NUP62: variants seen among roughly 807,000 people sequenced by gnomAD.
NUP62 encodes nuclear pore glycoprotein p62.
For synonymous variants in NUP62, 305 were observed against 303.4 expected, an observed-to-expected ratio of 1.01 and a Z score of -0.05; for missense variants, 647 against 689.4, an observed-to-expected ratio of 0.94 and a Z score of 0.69.
chr19:49,926,941 C>T (rs947399850), intron 2 of NUP62, among the ~76,000 whole-genome samples: 1 of 151,762 alleles, frequency 6.6e-6, no homozygotes, highest in African/African-American at 2.4e-5. Context: ...CTGCAACCTC[C>T]GCCCCACCCC....
chr19:49,927,504 C>A lies in NUP62; in HGVS notation c.-78+190G>T, dbSNP rs1473575913. 2.0e-5 allele frequency among the ~76,000 whole-genome samples: 3 copies of A among 152,308 alleles called. No homozygotes were observed. In the South Asian group the frequency reaches 6.2e-4, roughly 32 times the overall value. ...GGCCCACGGGTGGGACAAGCTCAGT[C>A]TATGCTCTTAGCTGCTACTCTGTAT... On this transcript the variant is annotated intron_variant, in intron 2 of 2. Coordinates refer to ENST00000352066, the MANE Select transcript of NUP62 (RefSeq NM_016553.5).
Position 49,910,614 on chromosome 19 carries a change from G to C in NUP62, c.-77-730C>G, listed in dbSNP as rs3889700. ...AGGCAGCTGCCTCCTTCACCTGTAG[G>C]TGTGGTGTGGAGGATTGCACCTGGG... On this transcript the variant is annotated intron_variant, in intron 2 of 2. Coordinates refer to ENST00000352066, the MANE Select transcript of NUP62 (RefSeq NM_016553.5). Among the ~76,000 whole-genome samples, 1,077 of 152,044 alleles carry C rather than the reference G, an allele frequency of 7.1e-3. 38 individuals carry two copies. The East Asian group carries it at 0.11, about 15-fold the overall frequency.
intron 1 of NUP62, chr19:49,928,507 AGAGACTCCGTCTC>A (rs2075966922): frequency 7.0e-6 from 1 of 143,630 alleles, no homozygotes; most frequent in African/African-American, 2.5e-5. Context: ...ACAGAGACGG[AGAGACTCCGTCTC>A]AAAAAAAAAA....
intron 2 of NUP62, among the ~76,000 whole-genome samples, chr19:49,923,856 C>T (rs535898450): frequency 7.2e-5 from 11 of 152,224 alleles, no homozygotes; most frequent in East Asian, 1.9e-4. Flanking sequence ...CTCTGACCCA[C>T]GCTGCGGAAG....
intron 2 of NUP62, 68 bp from the exon 3 acceptor site, chr19:49,909,952 C>A (rs766927792): frequency 4.5e-5 from 37 of 824,808 alleles, no homozygotes; most frequent in Non-Finnish European, 6.8e-5. Context: ...CATGACTGGG[C>A]ACAGTCGGTT....
Position 49,908,875 on chromosome 19 carries a change from G to A in NUP62, c.933C>T (p.Thr311=), listed in dbSNP as rs777253913. The change falls in exon 3 of 3, where the codon ACC becomes ACT. Residue 311 remains threonine (T), a synonymous_variant. Transcript: ENST00000352066. The part of the protein sequence containing the change: ...GIPSNTAAAV[T]APPGPGAAAG... ...CAGCTGCGCCAGGGCCAGGTGGAGC[G>A]GTCACGGCAGCTGCTGTATTGCTGG... is the stretch of plus-strand genomic sequence containing the variant. The A allele has an allele frequency of 9.1e-5, 146 of 1,610,672 alleles. No individual in the cohort carries two copies. Among genetic ancestry groups the A allele is most frequent in the Admixed American group, 1.3e-4 (8 of 59,992 alleles).
chr19:49,914,006 A>G (rs938523183), intron 2 of NUP62, among the ~76,000 whole-genome samples: 4 of 152,132 alleles, frequency 2.6e-5, no homozygotes, highest in Non-Finnish European at 5.9e-5. Context: ...CAGCATCACA[A>G]TTTGAGCAAA....
intron 2 of NUP62, among the ~76,000 whole-genome samples, chr19:49,915,148 C>T (rs1290742): frequency 0.81 from 123,221 of 151,892 alleles, 50,284 homozygotes; most frequent in East Asian, 0.96. Flanking sequence ...AGGATGTGTG[C>T]TATGTGTGTG....
intron 2 of NUP62, among the ~76,000 whole-genome samples, chr19:49,923,602 C>T (rs1158525481): frequency 6.6e-6 from 1 of 152,256 alleles, no homozygotes; most frequent in African/African-American, 2.4e-5. Flanking sequence ...CTCCACAGCG[C>T]TCCCACACCA....
At chr19:49,913,382 GC>G (rs1345298603) in intron 2 of NUP62, among the ~76,000 whole-genome samples, 2 of 152,182 alleles carry the variant, frequency 1.3e-5, no homozygotes, top group East Asian at 1.9e-4. Flanking sequence ...TTTACCTGGG[GC>G]CCCAGGCCAC....
At chr19:49,927,080 C>G (rs2075913313) in intron 2 of NUP62, among the ~76,000 whole-genome samples, 1 of 151,952 alleles carries the variant, frequency 6.6e-6, no homozygotes, top group South Asian at 2.1e-4. Context: ...AGGCTGGTCT[C>G]GAATTCCTGA....
Position 49,927,802 on chromosome 19 carries a change from G to C in NUP62, c.-186C>G, listed in dbSNP as rs1047358727. 4 of 152,282 alleles carry C rather than the reference G, an allele frequency of 2.6e-5. No homozygotes were observed. Among genetic ancestry groups the C allele is most frequent in the Non-Finnish European group, 5.9e-5 (4 of 68,080 alleles). The allele number at this position is 152,282 out of a possible 1,614,324, so 9.4% of individuals were successfully genotyped here. Reference sequence around the variant, plus strand: ...AGCTGGGATGTCCTGATGTGGATGGGACAAGGTGGGTTTCTGCAACAGAGA... The same window carrying C: ...AGCTGGGATGTCCTGATGTGGATGGCACAAGGTGGGTTTCTGCAACAGAGA... On this transcript the variant is annotated 5_prime_UTR_variant, in exon 2 of 3. Transcript: ENST00000352066.
chr19:49,923,871 C>A (rs2075821686), intron 2 of NUP62, among the ~76,000 whole-genome samples: 1 of 152,216 alleles, frequency 6.6e-6, no homozygotes. Flanking sequence ...CGGAAGGCAG[C>A]CGAGGCTCGG....
At chr19:49,919,369 G>A (rs1345171719) in intron 2 of NUP62, among the ~76,000 whole-genome samples, 1 of 152,126 alleles carries the variant, frequency 6.6e-6, no homozygotes, top group Non-Finnish European at 1.5e-5. Flanking sequence ...GCACACAAAA[G>A]GCCGCCTGCT....
At chr19:49,916,512 G>A (rs1389806683) in intron 2 of NUP62, among the ~76,000 whole-genome samples, 2 of 151,606 alleles carry the variant, frequency 1.3e-5, no homozygotes, top group African/African-American at 2.4e-5. Flanking sequence ...GGTGGCTCAC[G>A]CCTGTAATCC....
At chr19:49,923,122 G>A (rs1313948825) in intron 2 of NUP62, among the ~76,000 whole-genome samples, 1 of 152,096 alleles carries the variant, frequency 6.6e-6, no homozygotes, top group African/African-American at 2.4e-5. Context: ...AAGGGACAAG[G>A]GCAGGCACAA....
At chr19:49,927,974 G>C (rs1346909379) in intron 1 of NUP62, 159 bp from the exon 2 acceptor site, 2 of 152,214 alleles carry the variant, frequency 1.3e-5, no homozygotes, top group East Asian at 3.9e-4. Context: ...GCTGAAGGAC[G>C]GTTTGAAAGG....
intron 2 of NUP62, among the ~76,000 whole-genome samples, chr19:49,912,519 C>T (rs1034754565): frequency 1.3e-5 from 2 of 152,112 alleles, no homozygotes; most frequent in African/African-American, 4.8e-5. Context: ...ACTCAGGTGC[C>T]AGGGATCTAT....
At chr19:49,922,104 C>T (rs914744002) in intron 2 of NUP62, among the ~76,000 whole-genome samples, 22 of 152,234 alleles carry the variant, frequency 1.4e-4, no homozygotes, top group African/African-American at 5.1e-4. Context: ...TGACTCAGAG[C>T]TGCTGGCTGT....
Sources: allele counts gnomAD v4.1 joint callset (sites outside exome capture counted in the v4.1 genomes callset), GRCh38; gene constraint gnomAD v4.1.1; transcripts MANE v1.5; gene names NCBI Gene and HGNC (gene_info 2026-07-23, HGNC 2026-07-21).